The following CFAP44 variants were observed in gnomAD, a reference collection of about 807,000 sequenced individuals.
CFAP44 encodes cilia- and flagella-associated protein 44.
A neutral mutation model predicts 216.2 loss-of-function variants in CFAP44; 134 were observed. The ratio of observed to expected loss-of-function variants is 0.62; its 90% CI spans 0.54 to 0.72. The LOEUF (loss-of-function observed/expected upper bound fraction) is 0.72. Among genes scored for constraint, CFAP44 ranks in the 30% least tolerant of loss-of-function variants. CFAP44 has a pLI of 0.00. For synonymous variants in CFAP44, 700 were observed against 727.6 expected, an observed-to-expected ratio of 0.96 and a Z score of 0.61; for missense variants, 2,035 against 2,182.1, an observed-to-expected ratio of 0.93 and a Z score of 1.34.
intron 5 of CFAP44, 123 bp from the exon 6 acceptor site, chr3:113,416,750 C>A: frequency 3.4e-6 from 2 of 593,940 alleles, no homozygotes; most frequent in Non-Finnish European, 5.7e-6. Context: ...ATAGAAAACT[C>A]AAAAATGGGC....
At chr3:113,314,001 C>T (rs1291893089) in intron 28 of CFAP44, among the ~76,000 whole-genome samples, 2 of 151,994 alleles carry the variant, frequency 1.3e-5, no homozygotes, top group Non-Finnish European at 2.9e-5. Context: ...AGACATCATC[C>T]AATTTGAAAA....
chr3:113,348,123 G>T (rs1559919089), intron 22 of CFAP44, among the ~76,000 whole-genome samples: 1 of 152,130 alleles, frequency 6.6e-6, no homozygotes, highest in Non-Finnish European at 1.5e-5. Context: ...TTGGGCAAGA[G>T]GGGTTTCTGC....
chr3:113,333,371 C>T, intron 25 of CFAP44, 35 bp downstream of exon 25: 3 of 1,516,288 alleles, frequency 2.0e-6, no homozygotes, highest in Non-Finnish European at 2.6e-6. Context: ...ACCCAGGGTG[C>T]CTTCTCCATT....
chr3:113,438,551 T>C (rs1392326107), intron 1 of CFAP44, among the ~76,000 whole-genome samples: 2 of 152,224 alleles, frequency 1.3e-5, no homozygotes, highest in African/African-American at 2.4e-5. Context: ...TGTAAAATGG[T>C]TGCAGGAATG....
At chr3:113,352,274 G>A (rs1950452546) in intron 22 of CFAP44, among the ~76,000 whole-genome samples, 1 of 152,180 alleles carries the variant, frequency 6.6e-6, no homozygotes, top group Non-Finnish European at 1.5e-5. Flanking sequence ...ACAAATAAGG[G>A]AATAAAAGCT....
At chr3:113,328,696 T>TAAAA (rs58650082) in intron 26 of CFAP44, among the ~76,000 whole-genome samples, 579 of 28,170 alleles carry the variant, frequency 0.021, 42 homozygotes, top group Middle Eastern at 0.059. Flanking sequence ...TTAGAGAGCT[T>TAAAA]AAAAAAAAAA....
chr3:113,378,843 G>A lies in CFAP44; in HGVS notation c.2298+463C>T, dbSNP rs146650849. 2.0e-3 allele frequency among the ~76,000 whole-genome samples: 297 copies of A among 152,166 alleles called. 1 individual carries two copies. Among genetic ancestry groups the A allele is most frequent in the African/African-American group, 6.8e-3 (284 of 41,506 alleles). Reference sequence around the variant, plus strand: ...TAAAAACACTTATCTTCCTAGACTTGCATATGACCCCACAGCATAGTTGTA... The same window carrying A: ...TAAAAACACTTATCTTCCTAGACTTACATATGACCCCACAGCATAGTTGTA... On this transcript the variant is annotated intron_variant, in intron 17 of 34. Transcript: ENST00000393845.
In CFAP44 at chr3:113,287,555, C is replaced by T. The variant is rs1429005312; in HGVS notation, c.*4002G>A. ...CCACTTACAATATTTTCAGGTCCAT[C>T]AGAAATGAGATCTGAAAAAGGTAGT... On this transcript the variant is annotated 3_prime_UTR_variant, in exon 35 of 35. Transcript: ENST00000393845. 1 of 152,942 alleles carries T rather than the reference C, an allele frequency of 6.5e-6. No individual in the cohort carries two copies. The highest frequency in any genetic ancestry group is 2.4e-5 in the African/African-American group (1 of 41,430). The allele number at this position is 152,942 out of a possible 1,614,324, so 9.5% of individuals were successfully genotyped here.
At chr3:113,387,162 G>A (rs1235105810) in intron 15 of CFAP44, among the ~76,000 whole-genome samples, 1 of 152,182 alleles carries the variant, frequency 6.6e-6, no homozygotes, top group Non-Finnish European at 1.5e-5. Flanking sequence ...TGGGCTCAGA[G>A]CCAGTGGATT....
chr3:113,406,156 AT>A (rs1934271719), intron 8 of CFAP44, among the ~76,000 whole-genome samples: 1 of 152,210 alleles, frequency 6.6e-6, no homozygotes, highest in Non-Finnish European at 1.5e-5. Flanking sequence ...GAAACTAACA[AT>A]ATTAAAGAAT....
At chr3:113,350,479 A>T (rs1950433472) in intron 22 of CFAP44, among the ~76,000 whole-genome samples, 1 of 152,234 alleles carries the variant, frequency 6.6e-6, no homozygotes, top group Non-Finnish European at 1.5e-5. Flanking sequence ...AGTAGTAAAG[A>T]AAAGAGTGTA....
intron 2 of CFAP44, 128 bp from the exon 3 acceptor site, chr3:113,427,467 G>A (rs553068714): frequency 3.0e-6 from 2 of 658,996 alleles, no homozygotes; most frequent in Non-Finnish European, 4.9e-6. Context: ...AAAATTTCTA[G>A]AAGAATCATT....
In CFAP44 at chr3:113,358,820, T is replaced by C. The variant is rs562885824; in HGVS notation, c.2990A>G (p.Lys997Arg). The stretch of plus-strand genomic sequence containing the variant: ...TAATTCCTTTTCCACTTGTTGAATT[T>C]TGAAAGCTGTTTTTCTGTGCATCTC... ...RAEMHRKTAF[K>R]IQQVEKELAW... is the part of the protein sequence containing the mutation. The change falls in exon 22 of 35, where the codon AAA (lysine) becomes AGA (arginine). Residue 997 changes from lysine (K) to arginine (R), a missense_variant. Physicochemically the swap from Lys to Arg is conservative, Grantham distance 26 (BLOSUM62 2). This residue lies in a region of CFAP44 where 1,883 missense variants were observed against 2,023.7 expected (regional missense o/e 0.93). Transcript: ENST00000393845. The C allele has an allele frequency of 3.1e-5, 48 of 1,536,828 alleles. No individual in the cohort carries two copies. The highest frequency in any genetic ancestry group is 2.0e-5 in the Admixed American group (1 of 50,984).
chr3:113,413,218 A>AT (rs961482033), intron 6 of CFAP44, among the ~76,000 whole-genome samples: 30 of 149,456 alleles, frequency 2.0e-4, no homozygotes, highest in African/African-American at 4.7e-4. Context: ...TTTTGATGGA[A>AT]TTTTTTTTTC....
intron 8 of CFAP44, among the ~76,000 whole-genome samples, chr3:113,405,101 T>G (rs1228383105): frequency 6.6e-6 from 1 of 152,182 alleles, no homozygotes; most frequent in Admixed American, 6.5e-5. Flanking sequence ...GAAACTCTAT[T>G]CTAATTTTTA....
chr3:113,305,582 T>C (rs1418420573), intron 30 of CFAP44, among the ~76,000 whole-genome samples: 1 of 152,220 alleles, frequency 6.6e-6, no homozygotes, highest in Non-Finnish European at 1.5e-5. Context: ...ACATTCTCCA[T>C]GTCCTAGAAA....
intron 19 of CFAP44, 30 bp from the exon 20 acceptor site, chr3:113,363,562 T>C: frequency 1.3e-6 from 2 of 1,547,140 alleles, no homozygotes; most frequent in South Asian, 1.3e-5. Flanking sequence ...AGGTTAGCCC[T>C]TTAAAATTGC....
At chr3:113,392,065 C>G (rs1417338118) in intron 15 of CFAP44, among the ~76,000 whole-genome samples, 1 of 152,078 alleles carries the variant, frequency 6.6e-6, no homozygotes, top group Non-Finnish European at 1.5e-5. Flanking sequence ...GAAAGGAAAT[C>G]AGTATATTGA....
At chr3:113,298,128 AC>A (rs926018283) in intron 32 of CFAP44, among the ~76,000 whole-genome samples, 4 of 151,976 alleles carry the variant, frequency 2.6e-5, no homozygotes, top group African/African-American at 9.7e-5. Flanking sequence ...AGCTAGCCCC[AC>A]CCCCATACAA....
Sources: gnomAD v4.1 joint callset for allele counts (sites outside exome capture counted in the v4.1 genomes callset) on GRCh38, gnomAD v4.1.1 for gene constraint, gnomAD v4.1.1 regional missense constraint, MANE v1.5 for transcripts, NCBI Gene and HGNC (gene_info 2026-07-23, HGNC 2026-07-21) for gene names.